The following ADK variants were observed in gnomAD, a reference collection of about 807,000 sequenced individuals.
ADK encodes the protein adenosine kinase, also known as N6,N6-dimethyladenosine kinase.
ADK carries 24 observed loss-of-function variants against 44.7 expected under a neutral mutation model. The observed-to-expected ratio is 0.54, with a 90% CI of 0.39 to 0.76. The LOEUF is 0.76. Among genes scored for constraint, ADK ranks in the 30% least tolerant of loss-of-function variants. The probability of loss-of-function intolerance (pLI) is 0.00; values close to 1 mark genes in which losing one functional copy is unlikely to be tolerated. For missense variants in ADK, 321 were observed against 425.1 expected (o/e 0.76, Z 2.15); for synonymous variants, 128 against 142.6 (o/e 0.90, Z 0.73).
At chr10:74,624,703 A>G (rs938504719) in intron 9 of ADK, among the ~76,000 whole-genome samples, 3 of 152,100 alleles carry the variant, frequency 2.0e-5, no homozygotes, top group Non-Finnish European at 2.9e-5. Flanking sequence ...AACTTATTAG[A>G]AAAACTCAGA....
intron 1 of ADK, among the ~76,000 whole-genome samples, chr10:74,190,517 T>C (rs562920002): frequency 3.3e-5 from 5 of 152,336 alleles, no homozygotes; most frequent in Admixed American, 2.0e-4. Flanking sequence ...CCTTTTGTGT[T>C]TTTTGGTTAG....
At chr10:74,654,751 G>C (rs1451369585) in intron 9 of ADK, among the ~76,000 whole-genome samples, 1 of 151,842 alleles carries the variant, frequency 6.6e-6, no homozygotes, top group East Asian at 1.9e-4. Flanking sequence ...GGCAGAGGTT[G>C]CAGTGAGTAA....
At position 74,361,623 on chromosome 10, in the gene ADK, T is replaced by G. The variant is rs140480670; in HGVS notation, c.274-32518T>G. On this transcript the variant is annotated intron_variant, in intron 4 of 10. Transcript: ENST00000539909. ...AGTTATTATTTTTAATAGTTTTGTC[T>G]TTTAGTCGTCTTACTACAGATATTA... 2.2e-3 allele frequency among the ~76,000 whole-genome samples: 334 copies of G among 152,358 alleles called. 2 individuals are homozygous for G. Among genetic ancestry groups the G allele is most frequent in the African/African-American group, 7.6e-3 (316 of 41,580 alleles).
At chr10:74,549,494 G>A (rs552271193) in intron 7 of ADK, among the ~76,000 whole-genome samples, 1 of 152,242 alleles carries the variant, frequency 6.6e-6, no homozygotes, top group East Asian at 1.9e-4. Context: ...GAGTACAGTG[G>A]CACAATCACC....
chr10:74,165,408 T>C (rs1047401511), intron 1 of ADK, among the ~76,000 whole-genome samples: 1 of 152,046 alleles, frequency 6.6e-6, no homozygotes, highest in African/African-American at 2.4e-5. Flanking sequence ...CTGAGTCTTA[T>C]AACTTACCGT....
At chr10:74,183,800 G>A (rs764147306) in intron 1 of ADK, among the ~76,000 whole-genome samples, 1 of 152,030 alleles carries the variant, frequency 6.6e-6, no homozygotes, top group Non-Finnish European at 1.5e-5. Context: ...AAGCCACCAC[G>A]CCTGGCCATG....
chr10:74,490,108 T>A (rs1847423031), intron 6 of ADK, among the ~76,000 whole-genome samples: 6 of 152,062 alleles, frequency 3.9e-5, no homozygotes, highest in Admixed American at 3.9e-4. Context: ...TTAAAATTCC[T>A]TCCCTTTATT....
chr10:74,708,294 A>C (rs141192380), intron 10 of ADK, 27 bp from the exon 11 acceptor site: 3 of 1,605,274 alleles, frequency 1.9e-6, no homozygotes, highest in Non-Finnish European at 1.7e-6. Flanking sequence ...TACAATACTC[A>C]TGTGTTTTTT....
intron 3 of ADK, among the ~76,000 whole-genome samples, chr10:74,288,587 T>C (rs1847283867): frequency 1.3e-5 from 2 of 151,206 alleles, no homozygotes; most frequent in African/African-American, 2.4e-5. Context: ...GAGGTGGAGA[T>C]TGTAGTGAGC....
intron 6 of ADK, among the ~76,000 whole-genome samples, chr10:74,412,987 G>A (rs539877092): frequency 9.2e-5 from 14 of 152,246 alleles, no homozygotes; most frequent in Non-Finnish European, 1.9e-4. Flanking sequence ...GAACCCTGGA[G>A]GCGGAGGTTG....
intron 3 of ADK, among the ~76,000 whole-genome samples, chr10:74,261,401 AG>A (rs1846034378): frequency 6.6e-6 from 1 of 152,040 alleles, no homozygotes; most frequent in Non-Finnish European, 1.5e-5. Flanking sequence ...TACTTTACCA[AG>A]GAGTTGTCTT....
intron 6 of ADK, among the ~76,000 whole-genome samples, chr10:74,480,848 T>G (rs1847045537): frequency 6.6e-6 from 1 of 152,078 alleles, no homozygotes; most frequent in Non-Finnish European, 1.5e-5. Context: ...GATTTAAATT[T>G]TCATCTATTT....
intron 6 of ADK, among the ~76,000 whole-genome samples, chr10:74,514,334 CTCTG>C (rs1274947501): frequency 6.6e-6 from 1 of 152,140 alleles, no homozygotes; most frequent in South Asian, 2.1e-4. Context: ...TTGGATGTCT[CTCTG>C]TCTTTCTGTT....
At chr10:74,343,574 T>C (rs11001005) in intron 4 of ADK, among the ~76,000 whole-genome samples, 97,808 of 151,916 alleles carry the variant, frequency 0.64, 32,804 homozygotes, top group Middle Eastern at 0.79. Flanking sequence ...AGTGTTGTTC[T>C]GGAGTCAATT....
intron 1 of ADK, among the ~76,000 whole-genome samples, chr10:74,195,707 C>CTTTT (rs71475265): frequency 4.0e-3 from 391 of 97,394 alleles, no homozygotes; most frequent in East Asian, 7.1e-3. Context: ...TCTTTTCTTT[C>CTTTT]TTTTTTTTTT....
chr10:74,702,088 G>A (rs191547610), intron 10 of ADK, among the ~76,000 whole-genome samples: 41 of 152,256 alleles, frequency 2.7e-4, no homozygotes, highest in African/African-American at 9.6e-4. Context: ...AGCTGCAGTT[G>A]GAAAATCATC....
chr10:74,396,530 C>T (rs1022385491), intron 5 of ADK, among the ~76,000 whole-genome samples: 2 of 151,824 alleles, frequency 1.3e-5, no homozygotes, highest in South Asian at 2.1e-4. Flanking sequence ...AGAGTGAGCC[C>T]CTGTCTAAAA....
chr10:74,634,755 G>C (rs960469985), intron 9 of ADK, among the ~76,000 whole-genome samples: 5 of 151,232 alleles, frequency 3.3e-5, no homozygotes, highest in Admixed American at 3.3e-4. Context: ...GACCAGTCTG[G>C]CCAACATGGT....
chr10:74,200,622 T>C (rs1454689380), intron 1 of ADK, 142 bp from the exon 2 acceptor site: 10 of 680,968 alleles, frequency 1.5e-5, no homozygotes, highest in Non-Finnish European at 2.4e-5. Flanking sequence ...CTACGTATAA[T>C]AGGCAAATCA....
Sources: gnomAD v4.1 joint callset for allele counts (sites outside exome capture counted in the v4.1 genomes callset) on GRCh38, gnomAD v4.1.1 for gene constraint, MANE v1.5 for transcripts, NCBI Gene and HGNC (gene_info 2026-07-23, HGNC 2026-07-21) for gene names.